The following KIRREL3 variants were observed in gnomAD, a reference collection of about 807,000 sequenced individuals.
The protein encoded by KIRREL3 is kin of IRRE-like protein 3.
Under a neutral mutation model 89.7 loss-of-function variants are expected in KIRREL3, and 36 were observed. The ratio of observed to expected loss-of-function variants is 0.40; its 90% confidence interval spans 0.31 to 0.53. The LOEUF (loss-of-function observed/expected upper bound fraction) is 0.53, where lower values mean the gene tolerates loss of function less well. Ranked by LOEUF, KIRREL3 falls within the 20% of genes least tolerant of loss-of-function variation. The pLI is 0.49. For missense variants in KIRREL3, 864 were observed against 1,056.6 expected, an observed-to-expected ratio of 0.82 and a Z score of 2.53; for synonymous variants, 445 against 441.4, an observed-to-expected ratio of 1.01 and a Z score of -0.10.
intron 1 of KIRREL3, among the ~76,000 whole-genome samples, chr11:126,825,874 C>T (rs1943388811): frequency 6.6e-6 from 1 of 152,204 alleles, no homozygotes; most frequent in Non-Finnish European, 1.5e-5. Context: ...CGAGTTGATA[C>T]GTTAATCAGG....
At chr11:126,741,470 C>A (rs979925799) in intron 1 of KIRREL3, among the ~76,000 whole-genome samples, 1 of 152,112 alleles carries the variant, frequency 6.6e-6, no homozygotes, top group African/African-American at 2.4e-5. Flanking sequence ...ATATCCCATG[C>A]CCATGTGTTG....
Position 126,477,041 on chromosome 11 carries a change from G to A in KIRREL3, c.434-3575C>T, listed in dbSNP as rs1957086738. ...AGTCAGGAAAAAAATGGCATTAACT[G>A]TTGGGGCACTGAAGCCTGGGGAGGA... On this transcript the variant is annotated intron_variant, in intron 4 of 16. Transcript: ENST00000525144. This position sits in a 1 kb window ranked among gnomAD's most constrained non-coding sequence, Gnocchi z 4.8. 6.6e-6 allele frequency among the ~76,000 whole-genome samples: 1 copy of A among 152,240 alleles called. No homozygotes were observed. The highest frequency in any genetic ancestry group is 1.5e-5 in the Non-Finnish European group (1 of 68,040).
intron 1 of KIRREL3, among the ~76,000 whole-genome samples, chr11:126,971,252 G>A (rs955472066): frequency 6.6e-6 from 1 of 152,156 alleles, no homozygotes; most frequent in Non-Finnish European, 1.5e-5. Context: ...ATCAAGGTAT[G>A]CTTCTGATTC....
chr11:126,609,195 G>A lies in KIRREL3; in HGVS notation c.56-46283C>T, dbSNP rs1169342979. ...CTCTGAGACCGGACCTCAGGAAAGG[G>A]GTGCGGGGAAGGTTGGGTTCAGAAG... On this transcript the variant is annotated intron_variant, in intron 1 of 16. Transcript: ENST00000525144. This position sits in a 1 kb window ranked among gnomAD's most constrained non-coding sequence, Gnocchi z 5.0. 3.3e-5 allele frequency among the ~76,000 whole-genome samples: 5 copies of A among 152,072 alleles called. No homozygotes were observed. In the East Asian group the frequency reaches 9.6e-4, roughly 29 times the overall value.
chr11:126,465,748 A>G (rs1956701569), intron 5 of KIRREL3, among the ~76,000 whole-genome samples: 1 of 152,216 alleles, frequency 6.6e-6, no homozygotes, highest in Admixed American at 6.5e-5. Context: ...AGCCGGGGGC[A>G]GGACCACTGC....
At chr11:126,938,244 T>C (rs1199334257) in intron 1 of KIRREL3, among the ~76,000 whole-genome samples, 1 of 152,196 alleles carries the variant, frequency 6.6e-6, no homozygotes. Flanking sequence ...TGCCAGCAAC[T>C]TGCACTCAGT....
At position 126,710,920 on chromosome 11, in the gene KIRREL3, G is replaced by C. The variant is rs573564016; in HGVS notation, c.56-148008C>G. On this transcript the variant is annotated intron_variant, in intron 1 of 16. Coordinates refer to ENST00000525144, the MANE Select transcript of KIRREL3 (RefSeq NM_032531.4). This position sits in a 1 kb window ranked among gnomAD's most constrained non-coding sequence, Gnocchi z 4.2. ...CTTGACAGTAGTCTCAACCTGATAG[G>C]CCTCTTCACAATGTGCAGGCTGTGA... Among the ~76,000 whole-genome samples, 115 of 152,228 alleles carry C rather than the reference G, an allele frequency of 7.6e-4. 5 individuals carry two copies. The East Asian group carries it at 0.013, about 17-fold the overall frequency.
rs1355330273 is a variant in KIRREL3, at chr11:126,772,386, C to A, written c.56-209474G>T. 6.6e-6 allele frequency among the ~76,000 whole-genome samples: 1 copy of A among 152,172 alleles called. No individual in the cohort carries two copies. Among genetic ancestry groups the A allele is most frequent in the African/African-American group, 2.4e-5 (1 of 41,454 alleles). Reference sequence around the variant, plus strand: ...AGGCATGCAGGTGGAATGCCAGGCTCAGCGGCACCACGTGGTGCGGGGATG... The same window carrying A: ...AGGCATGCAGGTGGAATGCCAGGCTAAGCGGCACCACGTGGTGCGGGGATG... On this transcript the variant is annotated intron_variant, in intron 1 of 16. Coordinates refer to ENST00000525144, the MANE Select transcript of KIRREL3 (RefSeq NM_032531.4). This position sits in a 1 kb window ranked among gnomAD's most constrained non-coding sequence, Gnocchi z 4.6.
At chr11:126,856,890 G>A (rs1944538066) in intron 1 of KIRREL3, among the ~76,000 whole-genome samples, 2 of 152,168 alleles carry the variant, frequency 1.3e-5, no homozygotes, top group East Asian at 3.9e-4. Flanking sequence ...ACTGCGCTGG[G>A]CCCATATTTT....
intron 12 of KIRREL3, among the ~76,000 whole-genome samples, chr11:126,436,397 C>A (rs935462383): frequency 2.0e-5 from 3 of 152,256 alleles, no homozygotes; most frequent in African/African-American, 7.2e-5. Context: ...ACACCCATGC[C>A]AGTGTATCCC....
chr11:126,440,913 G>T (rs1179504495), intron 10 of KIRREL3: 2 of 309,132 alleles, frequency 6.5e-6, no homozygotes, highest in Non-Finnish European at 1.2e-5. Flanking sequence ...GGAGGAGGTG[G>T]TAAGCCTGCA....
chr11:126,477,425 G>T lies in KIRREL3; in HGVS notation c.434-3959C>A, dbSNP rs1054227967. Among the ~76,000 whole-genome samples the T allele has an allele frequency of 6.6e-6, 1 of 152,262 alleles. No homozygotes were observed. ...CTGCTGCCAAAGACAATGGGGTCTC[G>T]GGTGGACAGGTGGCATGGGGAGAGG... On this transcript the variant is annotated intron_variant, in intron 4 of 16. Transcript: ENST00000525144. The surrounding 1 kb of genome is among the most constrained non-coding windows in gnomAD (Gnocchi z 4.8).
At chr11:126,488,012 G>T (rs1020808478) in intron 4 of KIRREL3, among the ~76,000 whole-genome samples, 4 of 152,252 alleles carry the variant, frequency 2.6e-5, no homozygotes, top group African/African-American at 9.6e-5. Flanking sequence ...GTCTTCTTTC[G>T]CTCCATCACT....
chr11:126,658,382 A>C (rs1945250527), intron 1 of KIRREL3, among the ~76,000 whole-genome samples: 1 of 152,184 alleles, frequency 6.6e-6, no homozygotes, highest in South Asian at 2.1e-4. Flanking sequence ...GCAGTGACTA[A>C]AAACTTTCTG....
In KIRREL3 at chr11:126,696,927, T is replaced by C. The variant is rs186643797; in HGVS notation, c.56-134015A>G. The stretch of plus-strand genomic sequence containing the variant: ...GTCTCAGTTTCTTCATCTGTATTAA[T>C]GGAGATGACCTAAGAGCTGCCCTGA... On this transcript the variant is annotated intron_variant, in intron 1 of 16. Coordinates refer to ENST00000525144, the MANE Select transcript of KIRREL3 (RefSeq NM_032531.4). This position sits in a 1 kb window ranked among gnomAD's most constrained non-coding sequence, Gnocchi z 4.4. 6.6e-6 allele frequency among the ~76,000 whole-genome samples: 1 copy of C among 152,210 alleles called. No individual in the cohort carries two copies. Among genetic ancestry groups the C allele is most frequent in the African/African-American group, 2.4e-5 (1 of 41,446 alleles).
At chr11:126,451,413 T>TGA in intron 7 of KIRREL3, among the ~76,000 whole-genome samples, 3 of 150,856 alleles carry the variant, frequency 2.0e-5, no homozygotes, top group African/African-American at 7.3e-5. Flanking sequence ...TGTGCATGTG[T>TGA]GTGCATGTGT....
chr11:126,708,391 T>C lies in KIRREL3; in HGVS notation c.56-145479A>G, dbSNP rs1481424912. 1.2e-4 allele frequency among the ~76,000 whole-genome samples: 19 copies of C among 152,346 alleles called. No homozygotes were observed. Among genetic ancestry groups the C allele is most frequent in the Admixed American group, 1.0e-3 (16 of 15,302 alleles). ...TTAGGAATTCTATTTGTTTTTCTCT[T>C]GGAAAATGGGGAAGTACATCTGTAA... is the stretch of plus-strand genomic sequence containing the variant. On this transcript the variant is annotated intron_variant, in intron 1 of 16. Coordinates refer to ENST00000525144, the MANE Select transcript of KIRREL3 (RefSeq NM_032531.4). This position sits in a 1 kb window ranked among gnomAD's most constrained non-coding sequence, Gnocchi z 5.7.
At chr11:126,597,317 A>G (rs887741830) in intron 1 of KIRREL3, among the ~76,000 whole-genome samples, 10 of 152,250 alleles carry the variant, frequency 6.6e-5, no homozygotes, top group African/African-American at 2.4e-4. Flanking sequence ...CTGCAAGCTG[A>G]CAAGGCTGAG....
intron 1 of KIRREL3, among the ~76,000 whole-genome samples, chr11:126,823,586 GGTGGGTCCCTGCA>G (rs1447012753): frequency 6.6e-6 from 1 of 152,172 alleles, no homozygotes; most frequent in African/African-American, 2.4e-5. Flanking sequence ...TGGTCTCATT[GGTGGGTCCCTGCA>G]GTGGGGGACA....
Sources: gnomAD v4.1 joint callset for allele counts (sites outside exome capture counted in the v4.1 genomes callset) on GRCh38, gnomAD v4.1.1 for gene constraint, Gnocchi (gnomAD v3.1) non-coding constraint, MANE v1.5 for transcripts, NCBI Gene and HGNC (gene_info 2026-07-23, HGNC 2026-07-21) for gene names.